Variants in ANKRD17 observed in about 807,000 individuals in gnomAD.
ANKRD17 encodes the protein ankyrin repeat domain-containing protein 17.
Under a neutral mutation model 229.7 loss-of-function variants are expected in ANKRD17, and 19 were observed. That is an observed-to-expected ratio of 0.08 (90% CI 0.06 to 0.12). The LOEUF (loss-of-function observed/expected upper bound fraction) is 0.12, where lower values mean the gene tolerates loss of function less well. Ranked by LOEUF, ANKRD17 falls within the 10% of genes least tolerant of loss-of-function variation. The probability of loss-of-function intolerance (pLI) is 1.00; values close to 1 mark genes in which losing one functional copy is unlikely to be tolerated. For missense variants in ANKRD17, 2,176 were observed against 3,176.8 expected (o/e 0.68, Z 7.57); for synonymous variants, 1,112 against 1,146.1 (o/e 0.97, Z 0.60).
chr4:73,161,327 G>A lies in ANKRD17; in HGVS notation c.569C>T (p.Ala190Val), dbSNP rs1283669704. 1 of 1,614,126 alleles carries A rather than the reference G, an allele frequency of 6.2e-7. No individual in the cohort carries two copies. Among genetic ancestry groups the A allele is most frequent in the Non-Finnish European group, 8.5e-7 (1 of 1,180,012 alleles). ...AGGATCTGCAAAGGCTTTACCATCA[G>A]CCGTGGACAATTTTCCTATTCCTAT... ...EAAGIGKLST[A>V]DGKAFADPEV... The change falls in exon 3 of 34, where the codon GCT becomes GTT. Residue 190 changes from alanine (A) to valine (V), a missense_variant. Physicochemically the swap from Ala to Val is moderately conservative, Grantham distance 64. Around this residue, in one of 18 missense-constraint regions of ANKRD17, gnomAD observed 184 missense variants for 357.8 expected, o/e 0.51. Transcript: ENST00000358602.
chr4:73,206,360 T>A (rs1338247514), intron 1 of ANKRD17, among the ~76,000 whole-genome samples: 1 of 138,026 alleles, frequency 7.2e-6, no homozygotes, highest in Non-Finnish European at 1.6e-5. Flanking sequence ...AATGGATGAA[T>A]GGATAAGAAA....
intron 16 of ANKRD17, among the ~76,000 whole-genome samples, chr4:73,125,719 C>T (rs1485644548): frequency 1.4e-5 from 2 of 138,674 alleles, no homozygotes; most frequent in Non-Finnish European, 3.0e-5. Flanking sequence ...GGTGACAAAG[C>T]GAGACTCCGT....
At chr4:73,159,925 C>A (rs1019071029) in intron 3 of ANKRD17, among the ~76,000 whole-genome samples, 4 of 152,130 alleles carry the variant, frequency 2.6e-5, no homozygotes, top group Admixed American at 2.6e-4. Flanking sequence ...ACAGCAAATT[C>A]ATGACCTTGT....
chr4:73,079,698 G>A (rs575080674), intron 30 of ANKRD17, among the ~76,000 whole-genome samples: 3 of 152,282 alleles, frequency 2.0e-5, no homozygotes, highest in South Asian at 2.1e-4. Flanking sequence ...TTTTGGTAAT[G>A]AGAATCTTTT....
intron 2 of ANKRD17, among the ~76,000 whole-genome samples, chr4:73,172,741 T>C (rs1223255819): frequency 6.6e-6 from 1 of 152,196 alleles, no homozygotes; most frequent in African/African-American, 2.4e-5. Context: ...TAAGCTGTTA[T>C]CAGCTTAAAA....
chr4:73,098,442 A>G lies in ANKRD17; in HGVS notation c.4652T>C (p.Leu1551Ser), dbSNP rs1272508379. The G allele has an allele frequency of 5.6e-6, 9 of 1,614,166 alleles. No individual in the cohort carries two copies. In the Admixed American group the frequency reaches 1.2e-4, roughly 21 times the overall value. ...TIGISATWTT[L>S]AGSHGKRNNT... Reference sequence around the variant, plus strand: ...ATTTCTTTTACCATGAGAACCTGCCAAAGTTGTCCAGGTTGCAGATATACC... The same window carrying G: ...ATTTCTTTTACCATGAGAACCTGCCGAAGTTGTCCAGGTTGCAGATATACC... The change falls in exon 26 of 34, where the codon TTG becomes TCG. Residue 1551 changes from leucine (L) to serine (S), a missense_variant. Physicochemically the swap from Leu to Ser is moderately radical, Grantham distance 145 (BLOSUM62 -2). Around this residue, in one of 18 missense-constraint regions of ANKRD17, gnomAD observed 105 missense variants for 118.3 expected, o/e 0.89. Coordinates refer to ENST00000358602, the MANE Select transcript of ANKRD17 (RefSeq NM_032217.5).
At chr4:73,226,522 CG>C (rs1742529596) in intron 1 of ANKRD17, among the ~76,000 whole-genome samples, 1 of 148,234 alleles carries the variant, frequency 6.7e-6, no homozygotes, top group African/African-American at 2.5e-5. Flanking sequence ...GCCACCAGAG[CG>C]GCTGGGATTA....
At chr4:73,095,933 T>A (rs370319568) in intron 27 of ANKRD17, among the ~76,000 whole-genome samples, 54 of 152,232 alleles carry the variant, frequency 3.5e-4, no homozygotes, top group South Asian at 8.3e-4. Context: ...CAAGTGATCC[T>A]CTTGTCTTGG....
chr4:73,162,699 A>G (rs1221266002), intron 2 of ANKRD17, among the ~76,000 whole-genome samples: 1 of 152,116 alleles, frequency 6.6e-6, no homozygotes, highest in Admixed American at 6.5e-5. Context: ...TCAAAAGCAG[A>G]GATGGTTAGT....
intron 30 of ANKRD17, among the ~76,000 whole-genome samples, chr4:73,081,327 CAG>C (rs550627186): frequency 1.1e-4 from 16 of 152,064 alleles, no homozygotes; most frequent in Non-Finnish European, 1.8e-4. Context: ...TGACAAGAAA[CAG>C]ACCATGAGTG....
chr4:73,078,249 C>T (rs536329641), intron 31 of ANKRD17, among the ~76,000 whole-genome samples: 4 of 152,148 alleles, frequency 2.6e-5, no homozygotes, highest in Non-Finnish European at 5.9e-5. Flanking sequence ...TGGTGGCGGG[C>T]GCCTGTAGTC....
Position 73,258,427 on chromosome 4 carries a change from C to A in ANKRD17, c.242G>T (p.Arg81Leu). 1 of 1,610,248 alleles carries A rather than the reference C, an allele frequency of 6.2e-7. No homozygotes were observed. The highest frequency in any genetic ancestry group is 1.1e-5 in the South Asian group (1 of 90,944). ...GCTGCTTTCGCTGCTGCTGGGGGGT[C>A]GGCAAGTCCGGTTACGCTTGGCCTT... ...HHKAKRNRTCRPPSSSESSSD... is the reference protein window; with the variant it reads ...HHKAKRNRTCLPPSSSESSSD... Residue 81 changes from arginine (R) to leucine (L), a missense_variant, in exon 1 of 34, where the codon CGA (arginine) becomes CTA (leucine). Transcript: ENST00000358602.
intron 7 of ANKRD17, among the ~76,000 whole-genome samples, chr4:73,149,950 A>G (rs948623127): frequency 3.9e-5 from 6 of 152,116 alleles, no homozygotes; most frequent in Admixed American, 3.3e-4. Flanking sequence ...TGGCAACTTC[A>G]AGGCCCTCTT....
At chr4:73,154,397 G>A (rs1200543899) in intron 5 of ANKRD17, among the ~76,000 whole-genome samples, 1 of 151,900 alleles carries the variant, frequency 6.6e-6, no homozygotes, top group Non-Finnish European at 1.5e-5. Context: ...AAAAGAACTG[G>A]GCAACTCTGC....
At chr4:73,213,854 G>C (rs1361375187) in intron 1 of ANKRD17, among the ~76,000 whole-genome samples, 4 of 151,950 alleles carry the variant, frequency 2.6e-5, no homozygotes, top group Admixed American at 2.6e-4. Flanking sequence ...TAAAATAAGA[G>C]AAAGAACTTC....
intron 29 of ANKRD17, among the ~76,000 whole-genome samples, chr4:73,088,436 G>A (rs1206563933): frequency 6.6e-6 from 1 of 151,910 alleles, no homozygotes; most frequent in Non-Finnish European, 1.5e-5. Flanking sequence ...TTCTTACAGA[G>A]GTCTTTCTTC....
intron 12 of ANKRD17, 22 bp downstream of exon 12, chr4:73,142,618 C>T: frequency 6.2e-7 from 1 of 1,613,824 alleles, no homozygotes; most frequent in Non-Finnish European, 8.5e-7. Flanking sequence ...CACAATTCTG[C>T]ACAAACATTT....
chr4:73,212,728 G>C (rs1740454694), intron 1 of ANKRD17, among the ~76,000 whole-genome samples: 1 of 152,010 alleles, frequency 6.6e-6, no homozygotes, highest in African/African-American at 2.4e-5. Flanking sequence ...TGAAATATAA[G>C]AATTTAGGCC....
intron 1 of ANKRD17, among the ~76,000 whole-genome samples, chr4:73,188,103 T>C (rs568210120): frequency 6.6e-6 from 1 of 152,052 alleles, no homozygotes; most frequent in African/African-American, 2.4e-5. Context: ...GAAGAAATTA[T>C]ACAAGGGCAC....
Sources: allele counts gnomAD v4.1 joint callset (sites outside exome capture counted in the v4.1 genomes callset), GRCh38; gene constraint gnomAD v4.1.1; regional missense constraint gnomAD v4.1.1; transcripts MANE v1.5; gene names NCBI Gene and HGNC (gene_info 2026-07-23, HGNC 2026-07-21).